Variants in PJA2 observed in about 807,000 individuals in gnomAD.
PJA2 encodes praja ring finger ubiquitin ligase 2.
PJA2 carries 25 observed loss-of-function variants against 69.3 expected under a neutral mutation model. That is an observed-to-expected ratio of 0.36 (90% CI 0.26 to 0.50). The LOEUF (loss-of-function observed/expected upper bound fraction) is 0.50, where lower values mean the gene tolerates loss of function less well. PJA2 is among the 20% of genes least tolerant of loss of function. The pLI, the probability that PJA2 is intolerant of heterozygous loss-of-function variation, is 0.96. For synonymous variants in PJA2, 308 were observed against 277.8 expected (o/e 1.11, Z -1.08); for missense variants, 809 against 830.2 (o/e 0.97, Z 0.31).
chr5:109,362,792 A>T (rs1304690591), intron 6 of PJA2, 48 bp downstream of exon 6: 1 of 1,471,634 alleles, frequency 6.8e-7, no homozygotes, highest in East Asian at 2.4e-5. Flanking sequence ...AATTAGAATC[A>T]TGAACTCAGA....
At chr5:109,364,775 TA>T (rs11333923) in intron 5 of PJA2, among the ~76,000 whole-genome samples, 114,792 of 150,450 alleles carry the variant, frequency 0.76, 44,554 homozygotes, top group African/African-American at 0.89. Context: ...GCTTAAAATG[TA>T]AAAAAAAAAC....
At chr5:109,341,562 C>T (rs1762059065) in intron 9 of PJA2, among the ~76,000 whole-genome samples, 3 of 140,060 alleles carry the variant, frequency 2.1e-5, no homozygotes, top group Admixed American at 6.8e-5. Flanking sequence ...GGGGGGTCAG[C>T]CCCCCGCCCG....
rs1484698031 is a variant in PJA2 at position 109,354,359 on chromosome 5, A to ATGC, written c.1764+1555_1764+1556insGCA. 1.0e-3 allele frequency among the ~76,000 whole-genome samples: 125 copies of ATGC among 119,446 alleles called. 1 individual carries two copies. The highest frequency in any genetic ancestry group is 2.4e-3 in the South Asian group (9 of 3,770). 78.4% of individuals were successfully genotyped at this position (119,446 alleles called of 152,430 possible). On this transcript the variant is annotated intron_variant, in intron 7 of 9. Transcript: ENST00000361189. ...AGAGATATCTATAGATTGGATATCT[A>ATGC]TATCTAGAGATATCTATAGATTAGA...
rs564129226 is a variant in PJA2 at position 109,352,544 on chromosome 5, C to T, written c.1764+3371G>A. Among the ~76,000 whole-genome samples the T allele has an allele frequency of 2.0e-5, 3 of 152,142 alleles. No individual in the cohort carries two copies. In the South Asian group the frequency reaches 6.2e-4, roughly 32 times the overall value. Reference sequence around the variant, plus strand: ...TGCCAAGGCAGGTTAAATAATTTGGCAAAAATCCTAATTGTATCCTATCTC... The same window carrying T: ...TGCCAAGGCAGGTTAAATAATTTGGTAAAAATCCTAATTGTATCCTATCTC... On this transcript the variant is annotated intron_variant, in intron 7 of 9. Transcript: ENST00000361189.
At chr5:109,376,589 G>A (rs2127005437) in intron 4 of PJA2, among the ~76,000 whole-genome samples, 1 of 151,970 alleles carries the variant, frequency 6.6e-6, no homozygotes, top group Non-Finnish European at 1.5e-5. Context: ...CAAAGGTATA[G>A]CCAAATTAAA....
rs1762132263 is a variant in PJA2, at chr5:109,344,074, G to C, written c.2001+116C>G. ...ATCGAACCACTGCACTCCAGCCTAGGTGACAAGAGCGAAACTTTGTCTCAC... is the reference window on the plus strand; with the variant it reads ...ATCGAACCACTGCACTCCAGCCTAGCTGACAAGAGCGAAACTTTGTCTCAC... On this transcript the variant is annotated intron_variant, in intron 9 of 9. Transcript: ENST00000361189. 3.2e-5 allele frequency: 24 copies of C among 750,782 alleles called. No individual in the cohort carries two copies. In the South Asian group the frequency reaches 5.0e-4, roughly 16 times the overall value. 46.5% of individuals were successfully genotyped at this position (750,782 alleles called of 1,614,324 possible).
chr5:109,337,608 T>G (rs1381262291), intron 9 of PJA2, among the ~76,000 whole-genome samples: 14 of 152,176 alleles, frequency 9.2e-5, no homozygotes. Flanking sequence ...TTCATCCTCC[T>G]TAATTTAGTG....
chr5:109,390,090 G>C (rs1302769247), intron 1 of PJA2, among the ~76,000 whole-genome samples: 2 of 151,894 alleles, frequency 1.3e-5, no homozygotes, highest in African/African-American at 4.8e-5. Context: ...TTCTATAAAT[G>C]TCAATTAGGT....
intron 7 of PJA2, among the ~76,000 whole-genome samples, chr5:109,351,063 T>C (rs1350265005): frequency 6.6e-6 from 1 of 150,848 alleles, no homozygotes; most frequent in Non-Finnish European, 1.5e-5. Context: ...GAGGTAGAAC[T>C]GAACTCTAAT....
rs1365315604 is a variant in PJA2 at position 109,335,119 on chromosome 5, A to G, written c.*2112T>C. 1 of 152,686 alleles carries G rather than the reference A, an allele frequency of 6.5e-6. No homozygotes were observed. Among genetic ancestry groups the G allele is most frequent in the Non-Finnish European group, 1.5e-5 (1 of 68,042 alleles). The allele number at this position is 152,686 out of a possible 1,614,324, so 9.5% of individuals were successfully genotyped here. A position where few individuals can be genotyped will look rare whatever the true frequency, so the allele number is the denominator to read the frequency against. On this transcript the variant is annotated 3_prime_UTR_variant, in exon 10 of 10. Transcript: ENST00000361189. ...TTCAAAAGGATCCAAGATATGATCA[A>G]ATAATATTTTAGTATCTGAACTTGC...
chr5:109,344,434 A>G, intron 8 of PJA2, 123 bp from the exon 9 acceptor site: 1 of 1,053,946 alleles, frequency 9.5e-7, no homozygotes, highest in Middle Eastern at 3.2e-4. Context: ...TTGACCAGTT[A>G]ATTGGCAGGC....
At chr5:109,408,935 G>A (rs1747755616) in intron 1 of PJA2, among the ~76,000 whole-genome samples, 1 of 152,090 alleles carries the variant, frequency 6.6e-6, no homozygotes, top group Admixed American at 6.5e-5. Flanking sequence ...AATACATTAA[G>A]CCTGCAATGA....
chr5:109,359,235 A>G (rs1762472177), intron 6 of PJA2, among the ~76,000 whole-genome samples: 6 of 152,194 alleles, frequency 3.9e-5, no homozygotes, highest in Admixed American at 2.6e-4. Flanking sequence ...AGTATATAAT[A>G]CATATCACAT....
chr5:109,406,662 T>C (rs1664673115), intron 1 of PJA2, among the ~76,000 whole-genome samples: 1 of 152,148 alleles, frequency 6.6e-6, no homozygotes, highest in African/African-American at 2.4e-5. Flanking sequence ...AAGTTCCATG[T>C]CTAGGTATTT....
In PJA2 at chr5:109,335,038, C is replaced by T. The variant is rs1290933277; in HGVS notation, c.*2193G>A. ...ATAAAATAGAGAAATAAGATAAATG[C>T]TATTTTATTAATATTCATACTTATT... is the stretch of plus-strand genomic sequence containing the variant. On this transcript the variant is annotated 3_prime_UTR_variant, in exon 10 of 10. Transcript: ENST00000361189. The T allele has an allele frequency of 1.3e-5, 2 of 152,362 alleles. No individual in the cohort carries two copies. Among genetic ancestry groups the T allele is most frequent in the Non-Finnish European group, 2.9e-5 (2 of 67,962 alleles). The allele number at this position is 152,362 out of a possible 1,614,324, so 9.4% of individuals were successfully genotyped here. A position where few individuals can be genotyped will look rare whatever the true frequency, so the allele number is the denominator to read the frequency against.
chr5:109,395,473 G>A (rs527289479), intron 1 of PJA2, among the ~76,000 whole-genome samples: 27 of 152,320 alleles, frequency 1.8e-4, no homozygotes, highest in Middle Eastern at 3.4e-3. Context: ...GCTGAAGTAA[G>A]CCGTGATTGT....
chr5:109,407,185 G>C (rs1369846368), intron 1 of PJA2, among the ~76,000 whole-genome samples: 1 of 152,084 alleles, frequency 6.6e-6, no homozygotes, highest in Non-Finnish European at 1.5e-5. Context: ...TTTCAAATAA[G>C]TACATTTTAC....
chr5:109,383,230 A>G (rs1747090666), intron 2 of PJA2, among the ~76,000 whole-genome samples, 173 bp downstream of exon 2: 1 of 152,194 alleles, frequency 6.6e-6, no homozygotes, highest in South Asian at 2.1e-4. Context: ...CAGAATTTCT[A>G]TTTTTACCTA....
intron 5 of PJA2, among the ~76,000 whole-genome samples, chr5:109,365,781 AT>A (rs1488023591): frequency 6.6e-6 from 1 of 152,138 alleles, no homozygotes; most frequent in African/African-American, 2.4e-5. Context: ...AGTGAAAAGA[AT>A]TTTTTTAGTT....
Sources: allele counts gnomAD v4.1 joint callset (sites outside exome capture counted in the v4.1 genomes callset), GRCh38; gene constraint gnomAD v4.1.1; transcripts MANE v1.5; gene names NCBI Gene and HGNC (gene_info 2026-07-23, HGNC 2026-07-21).